NBPF11: variants seen among roughly 807,000 people sequenced by gnomAD.
NBPF11 encodes the protein NBPF member 11, also known as NBPF family member NBPF11.
NBPF11 carries 72 observed loss-of-function variants against 93.9 expected under a neutral mutation model. The observed-to-expected ratio is 0.77, with a 90% CI of 0.63 to 0.93. The LOEUF is 0.93. NBPF11 is among the 40% of genes least tolerant of loss of function. The pLI, the probability that NBPF11 is intolerant of heterozygous loss-of-function variation, is 0.00. For synonymous variants in NBPF11, 224 were observed against 304.9 expected (o/e 0.73, Z 2.76); for missense variants, 705 against 802.2 (o/e 0.88, Z 1.46).
At chr1:148,121,684 T>C (rs1667904109) in intron 9 of NBPF11, among the ~76,000 whole-genome samples, 1 of 151,882 alleles carries the variant, frequency 6.6e-6, no homozygotes. Context: ...GACAAGCCAA[T>C]GAAAAGGAGA....
rs1344839813 is a variant in NBPF11 at position 148,152,268 on chromosome 1, G to C, written c.-1067C>G. 2 of 152,122 alleles carry C rather than the reference G, an allele frequency of 1.3e-5. No individual in the cohort carries two copies. The highest frequency in any genetic ancestry group is 2.9e-5 in the Non-Finnish European group (2 of 68,086). 9.4% of individuals were successfully genotyped at this position (152,122 alleles called of 1,614,324 possible). A position where few individuals can be genotyped will look rare whatever the true frequency, so the allele number is the denominator to read the frequency against. ...CCCCTCGGAAGCCCGGAGCTACCCC[G>C]CGTTTAGGACTGCAGGCTTCGCGCT... On this transcript the variant is annotated 5_prime_UTR_variant, in exon 1 of 24. Coordinates refer to ENST00000682118, the MANE Select transcript of NBPF11 (RefSeq NM_001385469.3).
chr1:148,142,843 A>G (rs1372502482), intron 2 of NBPF11, among the ~76,000 whole-genome samples: 3 of 152,098 alleles, frequency 2.0e-5, no homozygotes, highest in African/African-American at 4.8e-5. Flanking sequence ...GTCCTACAGG[A>G]TTCTGGAATG....
chr1:148,124,855 T>G, intron 6 of NBPF11, 44 bp downstream of exon 6: 2 of 1,597,276 alleles, frequency 1.3e-6, no homozygotes, highest in South Asian at 1.1e-5. Flanking sequence ...ACTTCAGAGA[T>G]CTACACACCT....
intron 3 of NBPF11, among the ~76,000 whole-genome samples, chr1:148,136,872 G>T (rs1358622348): frequency 2.6e-5 from 4 of 151,954 alleles, no homozygotes; most frequent in African/African-American, 9.7e-5. Flanking sequence ...ACCTGGTGTG[G>T]ATGTTTTAGA....
chr1:148,138,700 C>T (rs1439865697), intron 2 of NBPF11, among the ~76,000 whole-genome samples: 2 of 151,298 alleles, frequency 1.3e-5, no homozygotes, highest in Non-Finnish European at 2.9e-5. Flanking sequence ...AACAGCGTCT[C>T]AAGGCAAAAG....
chr1:148,115,812 A>G lies in NBPF11; in HGVS notation c.1566T>C (p.Asp522=). Residue 522 remains aspartate, a synonymous_variant, in exon 14 of 24, where the codon GAT becomes GAC. Transcript: ENST00000682118. ...IGSSSHVEWE[D]AVHIIPENES... Reference sequence around the variant, plus strand: ...GGCTACCTGGGATAATGTGTACAGCATCCTCCCATTCAACATGAGAGGATG... The same window carrying G: ...GGCTACCTGGGATAATGTGTACAGCGTCCTCCCATTCAACATGAGAGGATG... The G allele has an allele frequency of 6.3e-7, 1 of 1,584,516 alleles. No homozygotes were observed. The highest frequency in any genetic ancestry group is 8.6e-7 in the Non-Finnish European group (1 of 1,162,518).
intron 15 of NBPF11, among the ~76,000 whole-genome samples, chr1:148,111,935 C>T (rs1185827607): frequency 6.6e-6 from 1 of 150,560 alleles, no homozygotes; most frequent in Non-Finnish European, 1.5e-5. Flanking sequence ...AGAGCAACCC[C>T]AGGACACATA....
chr1:148,146,526 GC>G, intron 1 of NBPF11: 2 of 1,603,176 alleles, frequency 1.2e-6, no homozygotes, highest in Non-Finnish European at 1.7e-6. Context: ...CCGAGCTGGG[GC>G]CTGGTGGGGC....
intron 9 of NBPF11, among the ~76,000 whole-genome samples, chr1:148,121,179 G>C (rs1302035726): frequency 1.3e-5 from 2 of 151,522 alleles, no homozygotes; most frequent in Middle Eastern, 3.4e-3. Context: ...CAAGCATCTG[G>C]GATTACAAGC....
At chr1:148,127,910 C>A (rs1669495916) in intron 4 of NBPF11, among the ~76,000 whole-genome samples, 1 of 152,030 alleles carries the variant, frequency 6.6e-6, no homozygotes, top group Non-Finnish European at 1.5e-5. Context: ...CCGCCTCGGC[C>A]TCCCAAAGTG....
At position 148,118,131 on chromosome 1, in the gene NBPF11, C is replaced by T. The variant is rs1365040603; in HGVS notation, c.1092-345G>A. Among the ~76,000 whole-genome samples, 91 of 147,018 alleles carry T rather than the reference C, an allele frequency of 6.2e-4. No individual in the cohort carries two copies. In the East Asian group the frequency reaches 0.011, roughly 18 times the overall value. Reference sequence around the variant, plus strand: ...GTGAAAATACACATAGTGCATCTTGCGGCCATTAGATACAAAGCCATGTAC... The same window carrying T: ...GTGAAAATACACATAGTGCATCTTGTGGCCATTAGATACAAAGCCATGTAC... On this transcript the variant is annotated intron_variant, in intron 11 of 23. Coordinates refer to ENST00000682118, the MANE Select transcript of NBPF11 (RefSeq NM_001385469.3).
At chr1:148,135,537 A>G in intron 4 of NBPF11, 135 bp downstream of exon 4, 1 of 490,798 alleles carries the variant, frequency 2.0e-6, no homozygotes, top group Non-Finnish European at 3.6e-6. Context: ...AAGGGACATC[A>G]TCATTTAAAG....
intron 4 of NBPF11, among the ~76,000 whole-genome samples, chr1:148,133,507 T>G (rs1374780046): frequency 6.6e-6 from 1 of 152,126 alleles, no homozygotes; most frequent in African/African-American, 2.4e-5. Context: ...CTCATCATGC[T>G]GAGCATTTTC....
chr1:148,136,809 G>A (rs1413816229), intron 3 of NBPF11, among the ~76,000 whole-genome samples: 2 of 151,844 alleles, frequency 1.3e-5, no homozygotes, highest in African/African-American at 4.9e-5. Context: ...CAGAGGTAAG[G>A]GAATTATGTC....
At chr1:148,138,547 AGTG>A (rs1671706652) in intron 2 of NBPF11, among the ~76,000 whole-genome samples, 1 of 151,654 alleles carries the variant, frequency 6.6e-6, no homozygotes, top group Admixed American at 6.6e-5. Context: ...GAGATTAGGG[AGTG>A]GTGATGACTC....
In NBPF11 at chr1:148,141,525, C is replaced by T. The variant is rs2149291262; in HGVS notation, c.-277+1890G>A. On this transcript the variant is annotated intron_variant, in intron 2 of 23. Coordinates refer to ENST00000682118, the MANE Select transcript of NBPF11 (RefSeq NM_001385469.3). ...CAGCCCCATACCAAGGTTTTGGTGGCATCCTGTTATTGTTTGGTTAGTACT... is the reference window on the plus strand; with the variant it reads ...CAGCCCCATACCAAGGTTTTGGTGGTATCCTGTTATTGTTTGGTTAGTACT... Among the ~76,000 whole-genome samples, 3 of 152,166 alleles carry T rather than the reference C, an allele frequency of 2.0e-5. No individual in the cohort carries two copies. In the East Asian group the frequency reaches 5.8e-4, roughly 29 times the overall value.
chr1:148,134,035 C>T (rs1245664456), intron 4 of NBPF11, among the ~76,000 whole-genome samples: 1 of 152,092 alleles, frequency 6.6e-6, no homozygotes, highest in African/African-American at 2.4e-5. Flanking sequence ...TTCCAGAACC[C>T]TGTTGTTCTG....
At chr1:148,141,988 T>TGGAG (rs1361295930) in intron 2 of NBPF11, among the ~76,000 whole-genome samples, 16 of 105,520 alleles carry the variant, frequency 1.5e-4, no homozygotes, top group Non-Finnish European at 2.8e-4. Context: ...AAGGAAAGAA[T>TGGAG]GGAGGGAGGG....
chr1:148,131,339 C>G (rs1320779506), intron 4 of NBPF11, among the ~76,000 whole-genome samples: 3 of 151,588 alleles, frequency 2.0e-5, no homozygotes, highest in Non-Finnish European at 2.9e-5. Flanking sequence ...AGAAACTCCC[C>G]AGGCCTCCAC....
Sources: gnomAD v4.1 joint callset for allele counts (sites outside exome capture counted in the v4.1 genomes callset) on GRCh38, gnomAD v4.1.1 for gene constraint, MANE v1.5 for transcripts, NCBI Gene and HGNC (gene_info 2026-07-23, HGNC 2026-07-21) for gene names.